Variants in NECTIN3 observed in about 807,000 individuals in gnomAD.
The protein encoded by NECTIN3 is nectin cell adhesion molecule 3, also known as nectin-3.
Under a neutral mutation model 49.4 loss-of-function variants are expected in NECTIN3, and 8 were observed. The ratio of observed to expected loss-of-function variants is 0.16; its 90% CI spans 0.10 to 0.29. The LOEUF (loss-of-function observed/expected upper bound fraction) is 0.29, where lower values mean the gene tolerates loss of function less well. Ranked by LOEUF, NECTIN3 falls within the 10% of genes least tolerant of loss-of-function variation. The probability of loss-of-function intolerance (pLI) is 1.00; values close to 1 mark genes in which losing one functional copy is unlikely to be tolerated. For synonymous variants in NECTIN3, 277 were observed against 241.1 expected (o/e 1.15, Z -1.38); for missense variants, 581 against 654.6 (o/e 0.89, Z 1.23).
chr3:111,188,004 C>T (rs1018732223), upstream of NECTIN3, among the ~76,000 whole-genome samples: 2 of 152,142 alleles, frequency 1.3e-5, no homozygotes, highest in Non-Finnish European at 2.9e-5. Flanking sequence ...CAAGTATGTT[C>T]ATAGTTGTGG....
intron 1 of NECTIN3, among the ~76,000 whole-genome samples, chr3:111,099,234 A>T (rs1015293766): frequency 2.0e-5 from 3 of 152,094 alleles, no homozygotes; most frequent in Non-Finnish European, 2.9e-5. Context: ...AGCTTTTCTT[A>T]CTCTACACAC....
chr3:111,185,169 C>A (rs1190837208), intron 7 of NECTIN3, among the ~76,000 whole-genome samples: 1 of 152,130 alleles, frequency 6.6e-6, no homozygotes, highest in Non-Finnish European at 1.5e-5. Context: ...TCTTCAGGAC[C>A]CTGTTCCACA....
chr3:111,152,579 A>C (rs923781575), intron 7 of NECTIN3, among the ~76,000 whole-genome samples: 13 of 151,834 alleles, frequency 8.6e-5, no homozygotes, highest in Non-Finnish European at 1.6e-4. Context: ...TGAACCTCTA[A>C]ACGTTTTATA....
chr3:111,137,439 T>G lies in NECTIN3; in HGVS notation c.*3224T>G. On this transcript the variant is annotated 3_prime_UTR_variant, in exon 6 of 6. Transcript: ENST00000485303. Reference sequence around the variant, plus strand: ...AGTTTTGGTTTTGTTGTGTTTGGTGTTTTTTGTTTTGTTTTGTTTTGTTTT... The same window carrying G: ...AGTTTTGGTTTTGTTGTGTTTGGTGGTTTTTGTTTTGTTTTGTTTTGTTTT... The G allele has an allele frequency of 5.2e-6, 5 of 954,114 alleles. No individual in the cohort carries two copies. The highest frequency in any genetic ancestry group is 6.2e-6 in the Non-Finnish European group (5 of 803,372). 59.1% of individuals were successfully genotyped at this position (954,114 alleles called of 1,614,324 possible).
chr3:111,163,739 A>T (rs1019014087), intron 7 of NECTIN3, among the ~76,000 whole-genome samples: 2 of 152,184 alleles, frequency 1.3e-5, no homozygotes, highest in Non-Finnish European at 2.9e-5. Context: ...GAGAGGGAAG[A>T]TTCATTTTAT....
chr3:111,146,210 G>A (rs1174626077), intron 6 of NECTIN3, among the ~76,000 whole-genome samples: 5 of 152,072 alleles, frequency 3.3e-5, no homozygotes, highest in African/African-American at 7.2e-5. Flanking sequence ...CGAGGCGGGC[G>A]GATCACGAGG....
chr3:111,169,360 G>A (rs1452633051), intron 7 of NECTIN3, among the ~76,000 whole-genome samples: 1 of 147,466 alleles, frequency 6.8e-6, no homozygotes, highest in Admixed American at 6.7e-5. Flanking sequence ...AAAGTGCTGG[G>A]ATTACAAACG....
intron 1 of NECTIN3, among the ~76,000 whole-genome samples, chr3:111,091,269 T>A (rs1379890010): frequency 6.6e-6 from 1 of 152,230 alleles, no homozygotes; most frequent in Non-Finnish European, 1.5e-5. Context: ...TTATTTATTT[T>A]TTTTGAGACG....
intron 7 of NECTIN3, among the ~76,000 whole-genome samples, chr3:111,174,654 C>G (rs1175517020): frequency 6.7e-6 from 1 of 150,032 alleles, no homozygotes; most frequent in African/African-American, 2.5e-5. Flanking sequence ...CCTTGATCCC[C>G]CTTGCAGGAC....
At chr3:111,146,607 CATT>C (rs2034882924) in intron 6 of NECTIN3, among the ~76,000 whole-genome samples, 2 of 152,048 alleles carry the variant, frequency 1.3e-5, no homozygotes, top group Admixed American at 1.3e-4. Context: ...CTCATTGAGA[CATT>C]ATTAGACCAC....
At chr3:111,115,615 A>G (rs1157114456) in intron 2 of NECTIN3, among the ~76,000 whole-genome samples, 1 of 152,242 alleles carries the variant, frequency 6.6e-6, no homozygotes, top group Non-Finnish European at 1.5e-5. Context: ...ATCACATCAC[A>G]TAGAGGAATG....
chr3:111,118,248 CTATATATATA>C (rs34878535), intron 2 of NECTIN3, among the ~76,000 whole-genome samples: 2,234 of 78,000 alleles, frequency 0.029, 64 homozygotes, highest in Non-Finnish European at 0.034. Flanking sequence ...TAAAATGAAG[CTATATATATA>C]TATATATATA....
At chr3:111,165,803 T>C (rs1252308503) in intron 7 of NECTIN3, among the ~76,000 whole-genome samples, 1 of 152,234 alleles carries the variant, frequency 6.6e-6, no homozygotes, top group African/African-American at 2.4e-5. Flanking sequence ...TAAGATACTC[T>C]ACTTCAAGAA....
At chr3:111,117,498 C>A (rs185148683) in intron 2 of NECTIN3, among the ~76,000 whole-genome samples, 7 of 151,966 alleles carry the variant, frequency 4.6e-5, no homozygotes, top group Non-Finnish European at 7.4e-5. Flanking sequence ...TTGTTCATTG[C>A]GTGTGTTGCA....
intron 5 of NECTIN3, among the ~76,000 whole-genome samples, chr3:111,130,611 G>A (rs1047261922): frequency 2.2e-4 from 34 of 152,060 alleles, no homozygotes; most frequent in African/African-American, 8.0e-4. Flanking sequence ...TAGGACTAGA[G>A]ATGAAAAGTT....
intron 7 of NECTIN3, among the ~76,000 whole-genome samples, chr3:111,178,126 A>G (rs1211512780): frequency 1.3e-5 from 2 of 152,228 alleles, no homozygotes; most frequent in Non-Finnish European, 2.9e-5. Context: ...AGTGATAACA[A>G]GAAACACTGC....
chr3:111,166,561 G>T (rs1051155637), intron 7 of NECTIN3, among the ~76,000 whole-genome samples: 3 of 152,188 alleles, frequency 2.0e-5, no homozygotes, highest in Non-Finnish European at 4.4e-5. Flanking sequence ...CAAGATAAAT[G>T]ACTTTCTTAT....
intron 3 of NECTIN3, among the ~76,000 whole-genome samples, chr3:111,120,046 G>A (rs1016891072): frequency 4.6e-5 from 7 of 152,148 alleles, no homozygotes; most frequent in Admixed American, 4.6e-4. Flanking sequence ...ATTCTTAAAT[G>A]CTAATACCAT....
chr3:111,160,993 C>T (rs992816386), intron 7 of NECTIN3, among the ~76,000 whole-genome samples: 5 of 151,964 alleles, frequency 3.3e-5, no homozygotes, highest in Admixed American at 2.0e-4. Context: ...GACGACAGAA[C>T]GAGACTCCGT....
Sources: allele counts gnomAD v4.1 joint callset (sites outside exome capture counted in the v4.1 genomes callset), GRCh38; gene constraint gnomAD v4.1.1; transcripts MANE v1.5; gene names NCBI Gene and HGNC (gene_info 2026-07-23, HGNC 2026-07-21).